Variants in CCDC148 observed in about 807,000 individuals in gnomAD.
CCDC148 encodes the protein coiled-coil domain containing 148.
A neutral mutation model predicts 85.7 loss-of-function variants in CCDC148; 89 were observed. The observed-to-expected ratio is 1.04, with a 90% CI of 0.87 to 1.24. CCDC148 has a LOEUF of 1.24. Ranked by LOEUF, CCDC148 falls within the 50% of genes most tolerant of loss-of-function variation. The pLI, the probability that CCDC148 is intolerant of heterozygous loss-of-function variation, is 0.00. For synonymous variants in CCDC148, 230 were observed against 213.9 expected, an observed-to-expected ratio of 1.08 and a Z score of -0.66; for missense variants, 692 against 671.7, an observed-to-expected ratio of 1.03 and a Z score of -0.33.
At chr2:158,214,335 C>A (rs1183360668) in intron 11 of CCDC148, among the ~76,000 whole-genome samples, 1 of 152,088 alleles carries the variant, frequency 6.6e-6, no homozygotes, top group Non-Finnish European at 1.5e-5. Context: ...CTGTGGCAAG[C>A]ACCCCAATAT....
intron 1 of CCDC148, among the ~76,000 whole-genome samples, chr2:158,360,982 G>T (rs1683919132): frequency 6.6e-6 from 1 of 151,776 alleles, no homozygotes; most frequent in Non-Finnish European, 1.5e-5. Context: ...GAACATAAAT[G>T]ACCTGATGGA....
intron 9 of CCDC148, among the ~76,000 whole-genome samples, chr2:158,293,923 C>A: frequency 6.8e-6 from 1 of 146,954 alleles, no homozygotes; most frequent in African/African-American, 2.5e-5. Flanking sequence ...CAATGAGGGG[C>A]ATGGATGTGC....
At chr2:158,263,292 G>C (rs1413876166) in intron 9 of CCDC148, among the ~76,000 whole-genome samples, 5 of 151,968 alleles carry the variant, frequency 3.3e-5, no homozygotes, top group Admixed American at 3.3e-4. Flanking sequence ...AGTGCGTAGA[G>C]GGCACCTACC....
intron 8 of CCDC148, among the ~76,000 whole-genome samples, chr2:158,311,342 G>A (rs914973081): frequency 4.5e-4 from 69 of 152,346 alleles, no homozygotes; most frequent in East Asian, 9.7e-4. Context: ...GTGGCGGCGC[G>A]AGCCTGCAAT....
At chr2:158,256,500 A>T (rs775193405) in intron 9 of CCDC148, among the ~76,000 whole-genome samples, 99 of 151,862 alleles carry the variant, frequency 6.5e-4, no homozygotes, top group Admixed American at 1.6e-3. Flanking sequence ...ATAATTAAAC[A>T]TTAATATTAT....
chr2:158,279,107 T>G (rs574673495), intron 9 of CCDC148, among the ~76,000 whole-genome samples: 20 of 152,074 alleles, frequency 1.3e-4, no homozygotes, highest in African/African-American at 4.1e-4. Context: ...AGAAAGGACA[T>G]CCACACCAAA....
chr2:158,328,036 T>G (rs1692874628), intron 7 of CCDC148, among the ~76,000 whole-genome samples: 1 of 152,274 alleles, frequency 6.6e-6, no homozygotes, highest in African/African-American at 2.4e-5. Context: ...TTTTTTTTAT[T>G]TAAGTTTTAG....
intron 9 of CCDC148, among the ~76,000 whole-genome samples, chr2:158,276,745 G>A (rs1021945621): frequency 5.9e-5 from 9 of 152,200 alleles, no homozygotes; most frequent in African/African-American, 2.2e-4. Flanking sequence ...TTGTGAAGAA[G>A]GCATTTGATA....
intron 7 of CCDC148, among the ~76,000 whole-genome samples, chr2:158,324,702 C>T (rs187258048): frequency 5.9e-5 from 9 of 151,274 alleles, no homozygotes; most frequent in African/African-American, 1.7e-4. Context: ...TCTCCCATAC[C>T]ATTTTAAACT....
chr2:158,286,161 AT>A (rs951535130), intron 9 of CCDC148, among the ~76,000 whole-genome samples: 2 of 152,172 alleles, frequency 1.3e-5, no homozygotes, highest in African/African-American at 4.8e-5. Context: ...TCTAGAAAAA[AT>A]AAGACACAGT....
chr2:158,322,749 G>C (rs906035107), intron 7 of CCDC148, among the ~76,000 whole-genome samples: 1 of 151,972 alleles, frequency 6.6e-6, no homozygotes, highest in African/African-American at 2.4e-5. Flanking sequence ...ATAAAACTAT[G>C]GGCATCAGCA....
At chr2:158,297,987 G>A (rs755763854) in intron 9 of CCDC148, among the ~76,000 whole-genome samples, 51 of 152,348 alleles carry the variant, frequency 3.3e-4, no homozygotes, top group Non-Finnish European at 6.8e-4. Flanking sequence ...AGGTTTAATT[G>A]ATTCACAGTT....
intron 11 of CCDC148, among the ~76,000 whole-genome samples, chr2:158,212,111 A>T (rs144575319): frequency 6.6e-6 from 1 of 152,128 alleles, no homozygotes; most frequent in Non-Finnish European, 1.5e-5. Context: ...TCTAATATAC[A>T]TATAAAATAC....
At chr2:158,434,789 G>C (rs1687557472) in intron 1 of CCDC148, among the ~76,000 whole-genome samples, 2 of 152,344 alleles carry the variant, frequency 1.3e-5, no homozygotes, top group Admixed American at 6.5e-5. Context: ...TAAATGACCT[G>C]ATGGAGCTGA....
intron 1 of CCDC148, among the ~76,000 whole-genome samples, chr2:158,383,063 G>T (rs1300642591): frequency 6.6e-6 from 1 of 151,612 alleles, no homozygotes; most frequent in African/African-American, 2.4e-5. Flanking sequence ...ATTCTGTGAG[G>T]CTGAGGCAGA....
At chr2:158,386,204 T>A (rs1685081216) in intron 1 of CCDC148, among the ~76,000 whole-genome samples, 1 of 152,126 alleles carries the variant, frequency 6.6e-6, no homozygotes, top group Admixed American at 6.6e-5. Flanking sequence ...ATAGCTGCTA[T>A]TAGTCTCATT....
At chr2:158,264,641 T>C (rs992311745) in intron 9 of CCDC148, among the ~76,000 whole-genome samples, 1 of 151,962 alleles carries the variant, frequency 6.6e-6, no homozygotes, top group Non-Finnish European at 1.5e-5. Context: ...ATTAAGGGGC[T>C]ATTATATCCA....
At chr2:158,278,620 C>T (rs1007043728) in intron 9 of CCDC148, among the ~76,000 whole-genome samples, 2 of 152,220 alleles carry the variant, frequency 1.3e-5, no homozygotes. Context: ...ACAAAGAAGC[C>T]TCAAAGCTAC....
intron 11 of CCDC148, among the ~76,000 whole-genome samples, chr2:158,193,876 G>C (rs1208184213): frequency 9.6e-6 from 1 of 103,818 alleles, no homozygotes; most frequent in Non-Finnish European, 1.8e-5. Context: ...CCCCACAACA[G>C]GCCCCAGTGT....
Sources: gnomAD v4.1 joint callset for allele counts (sites outside exome capture counted in the v4.1 genomes callset) on GRCh38, gnomAD v4.1.1 for gene constraint, MANE v1.5 for transcripts, NCBI Gene and HGNC (gene_info 2026-07-23, HGNC 2026-07-21) for gene names.